The following STAU2 variants were observed in gnomAD, a reference collection of about 807,000 sequenced individuals.
STAU2 encodes the protein double-stranded RNA-binding protein Staufen homolog 2.
STAU2 carries 20 observed loss-of-function variants against 65.9 expected under a neutral mutation model. The observed-to-expected ratio is 0.30, with a 90% CI of 0.21 to 0.44. STAU2 has a LOEUF of 0.44. Among genes scored for constraint, STAU2 ranks in the 20% least tolerant of loss-of-function variants. The probability of loss-of-function intolerance (pLI) is 1.00; values close to 1 mark genes in which losing one functional copy is unlikely to be tolerated. For synonymous variants in STAU2, 232 were observed against 233.9 expected, an observed-to-expected ratio of 0.99 and a Z score of 0.07; for missense variants, 558 against 683.9, an observed-to-expected ratio of 0.82 and a Z score of 2.05.
chr8:73,591,124 A>G (rs1319394708), intron 11 of STAU2, among the ~76,000 whole-genome samples: 1 of 152,216 alleles, frequency 6.6e-6, no homozygotes, highest in African/African-American at 2.4e-5. Context: ...GAGTAAATAT[A>G]AAAGGCATTT....
At chr8:73,617,600 G>A in intron 6 of STAU2, 149 bp from the exon 7 acceptor site, 2 of 714,842 alleles carry the variant, frequency 2.8e-6, no homozygotes, top group Non-Finnish European at 4.5e-6. Context: ...TTGATAAAAT[G>A]TGAGTCAATA....
chr8:73,604,121 T>A (rs1441555362), intron 9 of STAU2, among the ~76,000 whole-genome samples: 1 of 152,226 alleles, frequency 6.6e-6, no homozygotes, highest in African/African-American at 2.4e-5. Context: ...CTCTTCAGTA[T>A]ACCAGAGGTG....
intron 13 of STAU2, among the ~76,000 whole-genome samples, chr8:73,479,659 A>G (rs1003828312): frequency 3.5e-4 from 53 of 149,720 alleles, no homozygotes; most frequent in African/African-American, 1.3e-3. Context: ...AATTAATGAC[A>G]ACTATCAAAA....
intron 6 of STAU2, among the ~76,000 whole-genome samples, chr8:73,630,956 G>A (rs767305662): frequency 2.6e-5 from 4 of 152,118 alleles, no homozygotes; most frequent in Non-Finnish European, 4.4e-5. Context: ...CATTTCACAC[G>A]CTCAGTGGCA....
chr8:73,471,037 T>C (rs1032379450), intron 13 of STAU2, among the ~76,000 whole-genome samples: 1 of 152,144 alleles, frequency 6.6e-6, no homozygotes, highest in Non-Finnish European at 1.5e-5. Flanking sequence ...CAACTCCTAA[T>C]AGTTTTTAGT....
chr8:73,557,566 A>G (rs1051064520), intron 12 of STAU2, among the ~76,000 whole-genome samples: 52 of 152,316 alleles, frequency 3.4e-4, no homozygotes, highest in African/African-American at 1.1e-3. Flanking sequence ...GTAGGATGTG[A>G]CTGTTTTCCC....
At chr8:73,477,123 C>T (rs555123177) in intron 13 of STAU2, among the ~76,000 whole-genome samples, 1 of 152,024 alleles carries the variant, frequency 6.6e-6, no homozygotes, top group African/African-American at 2.4e-5. Context: ...GAGAGTAGTG[C>T]CACCTGGGGA....
At chr8:73,629,354 T>C (rs1437555090) in intron 6 of STAU2, among the ~76,000 whole-genome samples, 1 of 152,212 alleles carries the variant, frequency 6.6e-6, no homozygotes, top group Non-Finnish European at 1.5e-5. Flanking sequence ...AAAATTATAA[T>C]TAAAAATCTA....
chr8:73,584,236 C>T (rs1002300457), intron 11 of STAU2, among the ~76,000 whole-genome samples: 1 of 152,152 alleles, frequency 6.6e-6, no homozygotes, highest in Non-Finnish European at 1.5e-5. Flanking sequence ...CTCTTTAAAA[C>T]ACAAATTCCT....
chr8:73,691,765 T>A (rs1013395824), intron 4 of STAU2, among the ~76,000 whole-genome samples: 1 of 152,134 alleles, frequency 6.6e-6, no homozygotes, highest in Non-Finnish European at 1.5e-5. Context: ...ACCTTGTAAT[T>A]TCCGGAAGGA....
intron 4 of STAU2, among the ~76,000 whole-genome samples, chr8:73,693,735 CTG>C: frequency 6.6e-6 from 1 of 152,362 alleles, no homozygotes; most frequent in East Asian, 1.9e-4. Context: ...TGGAGACACA[CTG>C]TTTATGAATT....
intron 12 of STAU2, among the ~76,000 whole-genome samples, chr8:73,567,857 G>A (rs983163768): frequency 6.6e-6 from 1 of 151,966 alleles, no homozygotes; most frequent in Non-Finnish European, 1.5e-5. Flanking sequence ...CGCTGGGGGG[G>A]AGGGGGGAGT....
chr8:73,447,315 C>G (rs1246659787), intron 13 of STAU2, among the ~76,000 whole-genome samples: 1 of 152,182 alleles, frequency 6.6e-6, no homozygotes, highest in Non-Finnish European at 1.5e-5. Flanking sequence ...TATGCTAACT[C>G]TTCTGCAACT....
Position 73,446,050 on chromosome 8 carries a change from C to T in STAU2, c.1531-23348G>A, listed in dbSNP as rs186310887. 5.1e-4 allele frequency among the ~76,000 whole-genome samples: 78 copies of T among 152,258 alleles called. No homozygotes were observed. The East Asian group carries it at 0.01, about 20-fold the overall frequency. ...ACAAAACTAGAAACAACCAAAATAT[C>T]CCTAAGCATGTGGTGGGTTACAAAT... On this transcript the variant is annotated intron_variant, in intron 13 of 14. Coordinates refer to ENST00000524300, the MANE Select transcript of STAU2 (RefSeq NM_001164380.2).
At chr8:73,430,453 C>T (rs967419174) in intron 13 of STAU2, among the ~76,000 whole-genome samples, 3 of 152,190 alleles carry the variant, frequency 2.0e-5, no homozygotes, top group African/African-American at 7.2e-5. Context: ...TCTCACACTT[C>T]ATCACCCCCT....
chr8:73,465,065 C>T (rs1469178179), intron 13 of STAU2, among the ~76,000 whole-genome samples: 2 of 152,168 alleles, frequency 1.3e-5, no homozygotes, highest in Non-Finnish European at 2.9e-5. Context: ...TACTTAATTT[C>T]GTTTTGAGTT....
intron 13 of STAU2, among the ~76,000 whole-genome samples, chr8:73,471,817 T>TTAA (rs1554594408): frequency 1.2e-5 from 1 of 86,808 alleles, no homozygotes; most frequent in African/African-American, 4.7e-5. Context: ...AGACTCCAAC[T>TTAA]AAAAAAAAAA....
intron 13 of STAU2, among the ~76,000 whole-genome samples, chr8:73,427,177 C>A (rs1172132415): frequency 6.6e-6 from 1 of 152,140 alleles, no homozygotes; most frequent in Non-Finnish European, 1.5e-5. Flanking sequence ...ACCCGCCTGC[C>A]TCAGCCTCCC....
At chr8:73,539,410 A>T (rs191591329) in intron 13 of STAU2, among the ~76,000 whole-genome samples, 21 of 152,360 alleles carry the variant, frequency 1.4e-4, no homozygotes, top group Non-Finnish European at 2.4e-4. Flanking sequence ...GAATGGATAT[A>T]AAATCTCTGC....
Sources: gnomAD v4.1 joint callset for allele counts (sites outside exome capture counted in the v4.1 genomes callset) on GRCh38, gnomAD v4.1.1 for gene constraint, MANE v1.5 for transcripts, NCBI Gene and HGNC (gene_info 2026-07-23, HGNC 2026-07-21) for gene names.